The following CCNY variants were observed in gnomAD, a reference collection of about 807,000 sequenced individuals.
The protein encoded by CCNY is cyclin-Y.
In CCNY, 19 loss-of-function variants were observed where a neutral mutation model predicts 42.8. The ratio of observed to expected loss-of-function variants is 0.44; its 90% CI spans 0.31 to 0.65. CCNY has a LOEUF of 0.65. Among genes scored for constraint, CCNY ranks in the 30% least tolerant of loss-of-function variants. The probability of loss-of-function intolerance (pLI) is 0.07; values close to 1 mark genes in which losing one functional copy is unlikely to be tolerated. For synonymous variants in CCNY, 165 were observed against 162.7 expected (o/e 1.01, Z -0.11); for missense variants, 370 against 437.3 (o/e 0.85, Z 1.37).
chr10:35,385,887 G>C (rs1837290658), intron 1 of CCNY, among the ~76,000 whole-genome samples: 1 of 152,172 alleles, frequency 6.6e-6, no homozygotes, highest in Non-Finnish European at 1.5e-5. Flanking sequence ...CATCATCTTA[G>C]GGATTTCATT....
intron 3 of CCNY, among the ~76,000 whole-genome samples, chr10:35,321,503 T>C (rs985071365): frequency 4.6e-5 from 7 of 151,792 alleles, no homozygotes; most frequent in Non-Finnish European, 7.4e-5. Context: ...TGAAACCCCA[T>C]CTCTACAAAA....
At chr10:35,463,696 C>T (rs1328409381) in intron 1 of CCNY, among the ~76,000 whole-genome samples, 1 of 152,186 alleles carries the variant, frequency 6.6e-6, no homozygotes, top group Non-Finnish European at 1.5e-5. Context: ...TTAAATTTGG[C>T]AGCACATCCT....
upstream of CCNY, among the ~76,000 whole-genome samples, chr10:35,332,636 GCT>G (rs1178857439): frequency 6.6e-6 from 1 of 152,134 alleles, no homozygotes; most frequent in Non-Finnish European, 1.5e-5. Flanking sequence ...ACGGAGTCTT[GCT>G]CTGTCACCCA....
At chr10:35,550,774 C>T (rs898638372) in intron 7 of CCNY, among the ~76,000 whole-genome samples, 4 of 152,044 alleles carry the variant, frequency 2.6e-5, no homozygotes, top group Non-Finnish European at 5.9e-5. Flanking sequence ...AGGTTTTACT[C>T]CCCCCTCTTC....
intron 1 of CCNY, among the ~76,000 whole-genome samples, chr10:35,349,147 G>C (rs1836375927): frequency 6.6e-6 from 1 of 152,126 alleles, no homozygotes; most frequent in African/African-American, 2.4e-5. Context: ...TATCTGCAGG[G>C]GTCCTGGAAC....
intron 5 of CCNY, among the ~76,000 whole-genome samples, chr10:35,528,750 G>C (rs894673822): frequency 1.3e-5 from 2 of 152,110 alleles, no homozygotes; most frequent in Non-Finnish European, 2.9e-5. Context: ...AATTGCTGTT[G>C]TGCAAATGTA....
At chr10:35,465,951 GTGTGTGTGTC>G (rs1265352277) in intron 1 of CCNY, among the ~76,000 whole-genome samples, 3 of 151,396 alleles carry the variant, frequency 2.0e-5, no homozygotes, top group African/African-American at 7.3e-5. Flanking sequence ...GTGTGTGTGT[GTGTGTGTGTC>G]TGTGTGTGTG....
chr10:35,489,306 T>C (rs1234889330), intron 2 of CCNY, among the ~76,000 whole-genome samples: 1 of 152,190 alleles, frequency 6.6e-6, no homozygotes, highest in Non-Finnish European at 1.5e-5. Context: ...TTGTTTTGTT[T>C]TGTTTTGTTT....
rs905582851 is a variant in CCNY, at chr10:35,570,726, T to A, written c.*1556T>A. 2.6e-5 allele frequency: 4 copies of A among 152,346 alleles called. No individual in the cohort carries two copies. Among genetic ancestry groups the A allele is most frequent in the Non-Finnish European group, 2.9e-5 (2 of 68,036 alleles). The allele number at this position is 152,346 out of a possible 1,614,324, so 9.4% of individuals were successfully genotyped here. On this transcript the variant is annotated 3_prime_UTR_variant, in exon 10 of 10. Transcript: ENST00000374704. ...TGGCATCTTAATTAGTCTTGAATCA[T>A]ACACCTGATCCCCAAACATTGCCTG...
chr10:35,472,763 A>G (rs1235643128), intron 1 of CCNY, among the ~76,000 whole-genome samples: 2 of 152,214 alleles, frequency 1.3e-5, no homozygotes, highest in Non-Finnish European at 2.9e-5. Context: ...TTTTGAAGTC[A>G]GCTAAATACA....
chr10:35,340,123 T>C (rs1836143949), intron 1 of CCNY, among the ~76,000 whole-genome samples: 2 of 152,232 alleles, frequency 1.3e-5, no homozygotes, highest in South Asian at 4.1e-4. Context: ...ATATTACCCT[T>C]ACTTTAAGAC....
In CCNY at chr10:35,496,126, A is replaced by C. The variant is rs1380873241; in HGVS notation, c.230-5375A>C. ...AGCAATCAGCTTCGTATATCCAAAC[A>C]AAATTCTGTCATTCTTTAGTTGAAG... On this transcript the variant is annotated intron_variant, in intron 2 of 9. Coordinates refer to ENST00000374704, the MANE Select transcript of CCNY (RefSeq NM_145012.6). Among the ~76,000 whole-genome samples the C allele has an allele frequency of 2.6e-5, 4 of 152,370 alleles. No homozygotes were observed. The South Asian group carries it at 8.3e-4, about 32-fold the overall frequency.
intron 1 of CCNY, among the ~76,000 whole-genome samples, chr10:35,353,120 T>A (rs1162571547): frequency 1.3e-5 from 2 of 152,048 alleles, no homozygotes; most frequent in Non-Finnish European, 2.9e-5. Flanking sequence ...ACATACAGGG[T>A]CTTGGCATGT....
In CCNY at chr10:35,431,781, G is replaced by A. The variant is rs113013096; in HGVS notation, c.155-51623G>A. Among the ~76,000 whole-genome samples, 511 of 152,144 alleles carry A rather than the reference G, an allele frequency of 3.4e-3. 4 individuals are homozygous for A. Among genetic ancestry groups the A allele is most frequent in the African/African-American group, 0.012 (481 of 41,516 alleles). On this transcript the variant is annotated intron_variant, in intron 1 of 9. Transcript: ENST00000374704. Reference sequence around the variant, plus strand: ...GCCTCATAGGCTACGTTAGACCTCGGTTCCACCACTCACAGGGTGTGGCCT... The same window carrying A: ...GCCTCATAGGCTACGTTAGACCTCGATTCCACCACTCACAGGGTGTGGCCT...
chr10:35,274,157 G>T (rs1461986784), intron 3 of CCNY, among the ~76,000 whole-genome samples: 1 of 152,190 alleles, frequency 6.6e-6, no homozygotes, highest in Non-Finnish European at 1.5e-5. Context: ...AGAAGGCAAA[G>T]GAGGAGCAAA....
At chr10:35,301,703 A>G (rs1367025986) in intron 3 of CCNY, among the ~76,000 whole-genome samples, 2 of 152,098 alleles carry the variant, frequency 1.3e-5, no homozygotes, top group African/African-American at 4.8e-5. Context: ...ATCACGGCTC[A>G]CAGAAGACTT....
At chr10:35,279,110 GTTT>G (rs869276523) in intron 3 of CCNY, among the ~76,000 whole-genome samples, 5 of 102,792 alleles carry the variant, frequency 4.9e-5, no homozygotes, top group East Asian at 2.9e-4. Flanking sequence ...AGCTTTCAAT[GTTT>G]TTTTTTTTTT....
chr10:35,514,369 G>C (rs943008786), intron 3 of CCNY, among the ~76,000 whole-genome samples: 1 of 152,164 alleles, frequency 6.6e-6, no homozygotes, highest in Non-Finnish European at 1.5e-5. Flanking sequence ...GGGATCGAGG[G>C]CTTTGGCAGA....
intron 1 of CCNY, among the ~76,000 whole-genome samples, chr10:35,351,821 A>C (rs1219772084): frequency 6.6e-6 from 1 of 152,194 alleles, no homozygotes; most frequent in Admixed American, 6.5e-5. Context: ...GAGTATTTAT[A>C]ATAAGCCTGA....
Sources: gnomAD v4.1 joint callset for allele counts (sites outside exome capture counted in the v4.1 genomes callset) on GRCh38, gnomAD v4.1.1 for gene constraint, MANE v1.5 for transcripts, NCBI Gene and HGNC (gene_info 2026-07-23, HGNC 2026-07-21) for gene names.